PTPRN2: variants seen among roughly 807,000 people sequenced by gnomAD.
PTPRN2 encodes receptor-type tyrosine-protein phosphatase N2.
In PTPRN2, 74 loss-of-function variants were observed where a neutral mutation model predicts 118.8. The observed-to-expected ratio is 0.62, with a 90% confidence interval of 0.52 to 0.76. PTPRN2 has a LOEUF of 0.76. PTPRN2 is among the 30% of genes least tolerant of loss of function. The pLI is 0.00. For synonymous variants in PTPRN2, 641 were observed against 608.0 expected, an observed-to-expected ratio of 1.05 and a Z score of -0.80; for missense variants, 1,481 against 1,394.4, an observed-to-expected ratio of 1.06 and a Z score of -0.99.
At chr7:157,847,085 A>C (rs1316807285) in intron 12 of PTPRN2, among the ~76,000 whole-genome samples, 1 of 145,086 alleles carries the variant, frequency 6.9e-6, no homozygotes, top group African/African-American at 2.6e-5. Flanking sequence ...CCCGATGTTT[A>C]CAGAGCCCTC....
At chr7:158,209,011 T>C (rs2150757228) in intron 3 of PTPRN2, among the ~76,000 whole-genome samples, 1 of 152,246 alleles carries the variant, frequency 6.6e-6, no homozygotes, top group South Asian at 2.1e-4. Flanking sequence ...AGATGTTATT[T>C]GCAAGCCTTA....
At chr7:157,640,167 T>C (rs922075358) in intron 14 of PTPRN2, among the ~76,000 whole-genome samples, 3 of 152,324 alleles carry the variant, frequency 2.0e-5, no homozygotes, top group Admixed American at 6.5e-5. Context: ...GGATAATGCA[T>C]TGATCATGAT....
At chr7:158,233,107 C>A (rs970553095) in intron 3 of PTPRN2, among the ~76,000 whole-genome samples, 9 of 151,980 alleles carry the variant, frequency 5.9e-5, no homozygotes, top group African/African-American at 2.2e-4. Context: ...AATACAGGCA[C>A]CCAAATTGGA....
At chr7:158,253,729 G>A (rs1796839536) in intron 3 of PTPRN2, among the ~76,000 whole-genome samples, 1 of 152,214 alleles carries the variant, frequency 6.6e-6, no homozygotes, top group Admixed American at 6.5e-5. Context: ...TACTCTAATG[G>A]TGAGGAAGGA....
rs1827632904 is a variant in PTPRN2 at position 158,565,717 on chromosome 7, C to T, written c.112+21841G>A. Among the ~76,000 whole-genome samples, 1 of 152,150 alleles carries T rather than the reference C, an allele frequency of 6.6e-6. No homozygotes were observed. The highest frequency in any genetic ancestry group is 1.5e-5 in the Non-Finnish European group (1 of 68,032). On this transcript the variant is annotated intron_variant, in intron 1 of 22. Coordinates refer to ENST00000389418, the MANE Select transcript of PTPRN2 (RefSeq NM_002847.5). This position sits in a 1 kb window ranked among gnomAD's most constrained non-coding sequence, Gnocchi z 4.6. Reference sequence around the variant, plus strand: ...CTTTCTACACACAAGACATAGAAACCATCTCATGCAAGCCCCCCAGGAACC... The same window carrying T: ...CTTTCTACACACAAGACATAGAAACTATCTCATGCAAGCCCCCCAGGAACC...
rs1394017131 is a variant in PTPRN2 at position 157,747,525 on chromosome 7, C to T, written c.1789-64588G>A. On this transcript the variant is annotated intron_variant, in intron 12 of 22. Coordinates refer to ENST00000389418, the MANE Select transcript of PTPRN2 (RefSeq NM_002847.5). ...TGAGCTGTGGGGTGTGCGGGTGATT[C>T]TGAGGCCTGCGTCCCTGAGCTGTGG... Among the ~76,000 whole-genome samples the T allele has an allele frequency of 1.3e-4, 14 of 110,376 alleles. 1 individual carries two copies. In the East Asian group the frequency reaches 4.8e-3, roughly 38 times the overall value. The allele number at this position is 110,376 out of a possible 152,430, so 72.4% of individuals were successfully genotyped here.
intron 12 of PTPRN2, among the ~76,000 whole-genome samples, chr7:157,758,237 A>G (rs140244576): frequency 1.3e-3 from 191 of 152,316 alleles, no homozygotes; most frequent in Non-Finnish European, 2.4e-3. Context: ...ACATCCAAAT[A>G]TGGATGATGA....
intron 6 of PTPRN2, among the ~76,000 whole-genome samples, chr7:158,149,734 A>T (rs1197526849): frequency 2.0e-5 from 3 of 151,632 alleles, no homozygotes; most frequent in South Asian, 4.2e-4. Context: ...AACATGGGAG[A>T]CGGAGGTTGC....
At chr7:158,326,620 G>C (rs1563141787) in intron 2 of PTPRN2, among the ~76,000 whole-genome samples, 1 of 150,408 alleles carries the variant, frequency 6.6e-6, no homozygotes, top group African/African-American at 2.5e-5. Context: ...TCACACACAT[G>C]CACATTCTCA....
At chr7:158,266,135 G>A (rs112615096) in intron 3 of PTPRN2, among the ~76,000 whole-genome samples, 2 of 39,298 alleles carry the variant, frequency 5.1e-5, no homozygotes, top group East Asian at 8.5e-4. Context: ...CTGGCAGTGA[G>A]GCTGGGGACG....
At chr7:158,341,638 A>C (rs10229299) in intron 2 of PTPRN2, among the ~76,000 whole-genome samples, 1,280 of 20,666 alleles carry the variant, frequency 0.062, 260 homozygotes, top group Middle Eastern at 0.14. Flanking sequence ...GAGGTAACAC[A>C]TGCAGACGTC....
At chr7:158,156,452 T>C (rs1821824679) in intron 6 of PTPRN2, among the ~76,000 whole-genome samples, 1 of 152,138 alleles carries the variant, frequency 6.6e-6, no homozygotes, top group Non-Finnish European at 1.5e-5. Flanking sequence ...GAAGAGAAAA[T>C]GTTTTACAGA....
intron 1 of PTPRN2, among the ~76,000 whole-genome samples, chr7:158,543,355 C>A (rs1214163369): frequency 6.6e-6 from 1 of 152,216 alleles, no homozygotes; most frequent in Non-Finnish European, 1.5e-5. Context: ...CAACGGCCGC[C>A]CCGCCGGCTG....
chr7:158,314,166 A>G (rs1465082573), intron 3 of PTPRN2, among the ~76,000 whole-genome samples: 1 of 152,204 alleles, frequency 6.6e-6, no homozygotes, highest in African/African-American at 2.4e-5. Context: ...ATACATACCT[A>G]GAGCCGGGCT....
chr7:158,041,483 C>G (rs1185180226), intron 11 of PTPRN2, among the ~76,000 whole-genome samples: 1 of 151,884 alleles, frequency 6.6e-6, no homozygotes, highest in Non-Finnish European at 1.5e-5. Flanking sequence ...ACTAAAAATA[C>G]AAAAATTAGC....
chr7:157,829,573 A>G (rs1047765836), intron 12 of PTPRN2, among the ~76,000 whole-genome samples: 2 of 152,248 alleles, frequency 1.3e-5, no homozygotes, highest in African/African-American at 4.8e-5. Context: ...CAAGACTGAC[A>G]CGGAAAAGCT....
intron 11 of PTPRN2, among the ~76,000 whole-genome samples, chr7:157,972,291 T>G (rs915750001): frequency 6.6e-6 from 1 of 152,210 alleles, no homozygotes; most frequent in African/African-American, 2.4e-5. Flanking sequence ...ATGCACATCA[T>G]TCTAAGGATG....
intron 3 of PTPRN2, among the ~76,000 whole-genome samples, chr7:158,306,383 T>C (rs1801286624): frequency 6.6e-6 from 1 of 152,144 alleles, no homozygotes; most frequent in Non-Finnish European, 1.5e-5. Context: ...CACTGGCTGA[T>C]GTAGAGGCTC....
At chr7:158,374,412 C>A (rs776283514) in intron 2 of PTPRN2, among the ~76,000 whole-genome samples, 1 of 152,214 alleles carries the variant, frequency 6.6e-6, no homozygotes, top group Non-Finnish European at 1.5e-5. Context: ...CCAGACCCTG[C>A]AGCTCCTCAT....
Sources: allele counts gnomAD v4.1 joint callset (sites outside exome capture counted in the v4.1 genomes callset), GRCh38; gene constraint gnomAD v4.1.1; non-coding constraint Gnocchi (gnomAD v3.1); transcripts MANE v1.5; gene names NCBI Gene and HGNC (gene_info 2026-07-23, HGNC 2026-07-21).